The following ARMH3 variants were observed in gnomAD, a reference collection of about 807,000 sequenced individuals.
The protein encoded by ARMH3 is armadillo like helical domain containing 3, also known as armadillo-like helical domain-containing protein 3.
Under a neutral mutation model 99.1 loss-of-function variants are expected in ARMH3, and 60 were observed. That is an observed-to-expected ratio of 0.61 (90% CI 0.49 to 0.75). ARMH3 has a LOEUF of 0.75. Ranked by LOEUF, ARMH3 falls within the 30% of genes least tolerant of loss-of-function variation. The pLI, the probability that ARMH3 is intolerant of heterozygous loss-of-function variation, is 0.00. For missense variants in ARMH3, 679 were observed against 843.1 expected (o/e 0.81, Z 2.41); for synonymous variants, 285 against 292.8 (o/e 0.97, Z 0.27).
chr10:101,850,002 G>T, intron 24 of ARMH3, 110 bp from the exon 25 acceptor site: 2 of 829,802 alleles, frequency 2.4e-6, no homozygotes, highest in Non-Finnish European at 3.8e-6. Context: ...ACACCCCCAA[G>T]AAACCTTGCT....
intron 23 of ARMH3, among the ~76,000 whole-genome samples, chr10:101,911,126 G>A (rs1057501349): frequency 4.0e-5 from 6 of 151,282 alleles, no homozygotes; most frequent in Admixed American, 2.0e-4. Flanking sequence ...GGGTGACAGA[G>A]TGAGATTCCG....
chr10:101,924,571 G>A (rs1444162050), intron 23 of ARMH3, among the ~76,000 whole-genome samples: 4 of 151,438 alleles, frequency 2.6e-5, no homozygotes, highest in Non-Finnish European at 5.9e-5. Context: ...TAGCCAGGAC[G>A]GTCTCAATCT....
chr10:101,977,681 A>C lies in ARMH3; in HGVS notation c.1407-2381T>G, dbSNP rs535690985. On this transcript the variant is annotated intron_variant, in intron 19 of 25. Coordinates refer to ENST00000370033, the MANE Select transcript of ARMH3 (RefSeq NM_024541.3). Reference sequence around the variant, plus strand: ...GGTCATGAGGGCTCTGCCCTCAGGAATAGATTAATCCACTCATGGGTTAAT... The same window carrying C: ...GGTCATGAGGGCTCTGCCCTCAGGACTAGATTAATCCACTCATGGGTTAAT... 3.3e-5 allele frequency among the ~76,000 whole-genome samples: 5 copies of C among 152,376 alleles called. No individual in the cohort carries two copies. The East Asian group carries it at 9.6e-4, about 29-fold the overall frequency.
At chr10:102,011,658 TGTCCACCCCTGCA>T (rs2066630491) in intron 11 of ARMH3, 52 bp downstream of exon 11, 1 of 1,366,056 alleles carries the variant, frequency 7.3e-7, no homozygotes. Flanking sequence ...GAGCCCGATT[TGTCCACCCCTGCA>T]GACCACACTG....
chr10:101,967,920 A>G (rs1222954049), intron 20 of ARMH3, among the ~76,000 whole-genome samples: 1 of 152,200 alleles, frequency 6.6e-6, no homozygotes, highest in East Asian at 1.9e-4. Flanking sequence ...GTATGTCAAC[A>G]GCCTGCACTG....
chr10:101,895,482 T>C (rs2067804239), intron 23 of ARMH3, among the ~76,000 whole-genome samples: 1 of 152,044 alleles, frequency 6.6e-6, no homozygotes, highest in African/African-American at 2.4e-5. Context: ...GGTTTCACCA[T>C]GTTAGCCAGG....
At chr10:101,922,318 T>C (rs1347841771) in intron 23 of ARMH3, among the ~76,000 whole-genome samples, 2 of 152,260 alleles carry the variant, frequency 1.3e-5, no homozygotes, top group Admixed American at 6.5e-5. Context: ...TCATACCTCA[T>C]TGCAGCCTCG....
intron 20 of ARMH3, among the ~76,000 whole-genome samples, chr10:101,961,807 G>T (rs914820854): frequency 6.6e-6 from 1 of 152,140 alleles, no homozygotes; most frequent in Non-Finnish European, 1.5e-5. Context: ...ATACAGGGAA[G>T]AATTAAGATA....
chr10:101,999,886 C>G (rs968390165), intron 15 of ARMH3, among the ~76,000 whole-genome samples: 1 of 151,942 alleles, frequency 6.6e-6, no homozygotes, highest in African/African-American at 2.4e-5. Context: ...GGTTTGAGAC[C>G]AGCCTGGTCA....
At chr10:102,005,719 A>T (rs1259539431) in intron 14 of ARMH3, among the ~76,000 whole-genome samples, 5 of 152,144 alleles carry the variant, frequency 3.3e-5, no homozygotes, top group Non-Finnish European at 2.9e-5. Context: ...CACCAAACAC[A>T]CTCAGCCTAT....
At chr10:102,045,681 C>T (rs1042106608) in intron 1 of ARMH3, among the ~76,000 whole-genome samples, 3 of 151,918 alleles carry the variant, frequency 2.0e-5, no homozygotes, top group African/African-American at 4.8e-5. Flanking sequence ...AAGAAGAATC[C>T]AAATATCCAT....
At chr10:101,924,129 A>G (rs1843409868) in intron 23 of ARMH3, among the ~76,000 whole-genome samples, 1 of 152,238 alleles carries the variant, frequency 6.6e-6, no homozygotes. Context: ...TAACAAATAC[A>G]CAGAATGACA....
chr10:101,939,957 C>T lies in ARMH3; in HGVS notation c.1706-19G>A, dbSNP rs1390159025. 3.1e-6 allele frequency: 5 copies of T among 1,610,452 alleles called. No homozygotes were observed. Among genetic ancestry groups the T allele is most frequent in the East Asian group, 2.2e-5 (1 of 44,856 alleles). ...CTCAGGACTGCAAAGAAGGAAAGAA[C>T]ACAGATCTGTCAAACCCCCGGCATA... is the stretch of plus-strand genomic sequence containing the variant. On this transcript the variant is annotated intron_variant, in intron 22 of 25. Transcript: ENST00000370033.
chr10:102,007,130 C>T (rs910916519), intron 13 of ARMH3, among the ~76,000 whole-genome samples: 1 of 122,632 alleles, frequency 8.2e-6, no homozygotes, highest in East Asian at 2.6e-4. Flanking sequence ...CACTGCACTC[C>T]AGCCTGGTGA....
intron 14 of ARMH3, among the ~76,000 whole-genome samples, chr10:102,004,888 A>G (rs1480131259): frequency 6.6e-6 from 1 of 151,142 alleles, no homozygotes. Flanking sequence ...TGGCCAATAC[A>G]GTGAAACCCC....
chr10:101,945,578 C>T (rs754126621), intron 22 of ARMH3, among the ~76,000 whole-genome samples: 12 of 151,898 alleles, frequency 7.9e-5, no homozygotes, highest in Admixed American at 2.0e-4. Context: ...CTTAACCAGG[C>T]GTGGTGGTGC....
intron 23 of ARMH3, among the ~76,000 whole-genome samples, chr10:101,891,135 A>G (rs930468332): frequency 2.6e-5 from 4 of 151,522 alleles, no homozygotes; most frequent in Non-Finnish European, 5.9e-5. Context: ...TCACCTCCTA[A>G]AATGCTGGGA....
chr10:102,003,817 A>C (rs2066423759), intron 14 of ARMH3, among the ~76,000 whole-genome samples: 1 of 152,234 alleles, frequency 6.6e-6, no homozygotes, highest in Admixed American at 6.5e-5. Flanking sequence ...CAGCATGCCC[A>C]ACCCCTGGCT....
At chr10:101,887,771 C>T (rs546841600) in intron 24 of ARMH3, among the ~76,000 whole-genome samples, 8 of 152,000 alleles carry the variant, frequency 5.3e-5, no homozygotes, top group African/African-American at 1.7e-4. Context: ...ATCAATCTTG[C>T]TATCCTTTCC....
Sources: allele counts gnomAD v4.1 joint callset (sites outside exome capture counted in the v4.1 genomes callset), GRCh38; gene constraint gnomAD v4.1.1; transcripts MANE v1.5; gene names NCBI Gene and HGNC (gene_info 2026-07-23, HGNC 2026-07-21).